PLEKHG2: variants seen among roughly 807,000 people sequenced by gnomAD.
The protein encoded by PLEKHG2 is pleckstrin homology domain-containing family G member 2.
PLEKHG2 carries 71 observed loss-of-function variants against 104.4 expected under a neutral mutation model. The ratio of observed to expected loss-of-function variants is 0.68; its 90% CI spans 0.56 to 0.83. The LOEUF is 0.83. Among genes scored for constraint, PLEKHG2 ranks in the 40% least tolerant of loss-of-function variants. The pLI, the probability that PLEKHG2 is intolerant of heterozygous loss-of-function variation, is 0.00. For missense variants in PLEKHG2, 1,730 were observed against 1,809.4 expected (o/e 0.96, Z 0.80); for synonymous variants, 728 against 737.0 (o/e 0.99, Z 0.20).
Position 39,424,843 on chromosome 19 carries a change from T to G in PLEKHG2, c.3710T>G (p.Leu1237Trp). Reference protein sequence around the residue: ...SPTPVQTTMVLSKPGGSLASH... With the variant: ...SPTPVQTTMVWSKPGGSLASH... The stretch of plus-strand genomic sequence containing the variant: ...ACCCCAGTTCAGACCACCATGGTTT[T>G]GTCCAAACCAGGAGGCTCCTTAGCC... The change falls in exon 19 of 19, where the codon TTG becomes TGG. Residue 1237 changes from leucine (L) to tryptophan (W), a missense_variant. By Grantham distance (61) the Leu-to-Trp change is moderately conservative. Transcript: ENST00000425673. The G allele has an allele frequency of 6.2e-7, 1 of 1,614,222 alleles. No homozygotes were observed. Among genetic ancestry groups the G allele is most frequent in the Non-Finnish European group, 8.5e-7 (1 of 1,180,038 alleles).
At chr19:39,421,521 A>G in intron 16 of PLEKHG2, 2 of 566,102 alleles carry the variant, frequency 3.5e-6, no homozygotes, top group South Asian at 4.0e-5. Flanking sequence ...CCCCATCTCT[A>G]CAAAAAGTAC....
In PLEKHG2 at chr19:39,415,302, A is replaced by AGCCCCTTGGCCC. The variant is rs1568389251; in HGVS notation, c.379-36_379-25dup. 4 of 1,608,828 alleles carry AGCCCCTTGGCCC rather than the reference A, an allele frequency of 2.5e-6. No individual in the cohort carries two copies. In the South Asian group the frequency reaches 4.4e-5, roughly 18 times the overall value. ...CCAGAGGGCAGTGGGTACCCAGGCC[A>AGCCCCTTGGCCC]GCCCCTTGGCCCCCATAACCCCAGT... On this transcript the variant is annotated intron_variant, in intron 3 of 18. Transcript: ENST00000425673. This position sits in a 1 kb window ranked among gnomAD's most constrained non-coding sequence, Gnocchi z 4.6.
At chr19:39,417,084 C>A in intron 7 of PLEKHG2, 84 bp downstream of exon 7, 1 of 1,447,258 alleles carries the variant, frequency 6.9e-7, no homozygotes, top group Non-Finnish European at 9.2e-7. Flanking sequence ...AGGATGGACC[C>A]CCCACGAGTT....
chr19:39,424,150 C>T lies in PLEKHG2; in HGVS notation c.3017C>T (p.Pro1006Leu). The T allele has an allele frequency of 6.2e-7, 1 of 1,614,192 alleles. No homozygotes were observed. The highest frequency in any genetic ancestry group is 8.5e-7 in the Non-Finnish European group (1 of 1,180,034). Residue 1006 changes from proline to leucine, a missense_variant, in exon 19 of 19, where the codon CCT becomes CTT. Pro to Leu is a moderately conservative substitution (Grantham distance 98). Transcript: ENST00000425673. ...VIPAPSTAFC[P>L]EQGHCADIHV... ...CCAGCTCCATCCACCGCCTTTTGTCCTGAGCAGGGACACTGTGCGGACATC... is the reference window on the plus strand; with the variant it reads ...CCAGCTCCATCCACCGCCTTTTGTCTTGAGCAGGGACACTGTGCGGACATC...
rs1462034555 is a variant in PLEKHG2 at position 39,415,699 on chromosome 19, C to T, written c.479+260C>T. ...AGGGGCATAGCGGATGGGAGGACCC[C>T]GAGTGAGGGAGGGGCATAGCGGATG... On this transcript the variant is annotated intron_variant, in intron 4 of 18. Coordinates refer to ENST00000425673, the MANE Select transcript of PLEKHG2 (RefSeq NM_022835.3). The surrounding 1 kb of genome is among the most constrained non-coding windows in gnomAD (Gnocchi z 4.6). Among the ~76,000 whole-genome samples the T allele has an allele frequency of 6.6e-6, 1 of 151,316 alleles. No individual in the cohort carries two copies. Among genetic ancestry groups the T allele is most frequent in the South Asian group, 2.1e-4 (1 of 4,758 alleles).
chr19:39,420,388 G>T (rs1002515539), intron 11 of PLEKHG2, among the ~76,000 whole-genome samples: 10 of 151,984 alleles, frequency 6.6e-5, no homozygotes, highest in Admixed American at 2.6e-4. Context: ...AGCTGGATGT[G>T]ATGGTGCACA....
In PLEKHG2 at chr19:39,424,729, A is replaced by G. The variant is rs367726644; in HGVS notation, c.3596A>G (p.Glu1199Gly). 1.2e-6 allele frequency: 2 copies of G among 1,614,012 alleles called. No homozygotes were observed. The highest frequency in any genetic ancestry group is 1.7e-6 in the Non-Finnish European group (2 of 1,180,020). ...TQVQKLTPSL[E>G]QKSLIDAHVP... ...GTCCAAAAACTCACACCTTCGTTGGAGCAGAAGAGCCTCATAGATGCCCAT... is the reference window on the plus strand; with the variant it reads ...GTCCAAAAACTCACACCTTCGTTGGGGCAGAAGAGCCTCATAGATGCCCAT... Residue 1199 changes from glutamate (E) to glycine (G), a missense_variant, in exon 19 of 19, where the codon GAG (glutamate) becomes GGG (glycine). Transcript: ENST00000425673.
chr19:39,421,358 G>A (rs1946196660), intron 16 of PLEKHG2, 59 bp downstream of exon 16: 22 of 1,569,596 alleles, frequency 1.4e-5, no homozygotes, highest in Non-Finnish European at 1.9e-5. Context: ...GATGGAGAAG[G>A]GAGCTTGAGT....
chr19:39,426,800 C>T lies in PLEKHG2; in HGVS notation c.*1506C>T, dbSNP rs1390084986. 6.6e-6 allele frequency: 1 copy of T among 152,046 alleles called. No homozygotes were observed. The highest frequency in any genetic ancestry group is 2.4e-5 in the African/African-American group (1 of 41,366). 9.4% of individuals were successfully genotyped at this position (152,046 alleles called of 1,614,324 possible). On this transcript the variant is annotated 3_prime_UTR_variant, in exon 19 of 19. Coordinates refer to ENST00000425673, the MANE Select transcript of PLEKHG2 (RefSeq NM_022835.3). ...CAGATCCCCCAGTATCTAGTCCCAACCTATTGAATCAGGATCCCCAGGGAA... is the reference window on the plus strand; with the variant it reads ...CAGATCCCCCAGTATCTAGTCCCAATCTATTGAATCAGGATCCCCAGGGAA...
chr19:39,418,162 C>CCTGTAT (rs1344763534), intron 9 of PLEKHG2, 57 bp downstream of exon 9: 1 of 1,360,468 alleles, frequency 7.4e-7, no homozygotes, highest in African/African-American at 1.5e-5. Flanking sequence ...ATCCCATATA[C>CCTGTAT]CTGTATCTGT....
chr19:39,412,841 C>T lies in PLEKHG2; in HGVS notation c.-594C>T, dbSNP rs1315683126. 1.3e-5 allele frequency: 2 copies of T among 152,246 alleles called. No homozygotes were observed. The highest frequency in any genetic ancestry group is 2.9e-5 in the Non-Finnish European group (2 of 68,086). 9.4% of individuals were successfully genotyped at this position (152,246 alleles called of 1,614,324 possible). A position where few individuals can be genotyped will look rare whatever the true frequency, so the allele number is the denominator to read the frequency against. On this transcript the variant is annotated 5_prime_UTR_variant, in exon 1 of 19. Transcript: ENST00000425673. ...CTTGAGCCATCCAGGTGCGCAGCGCCCCCTCCTGGAGCAGCCGGGAGCCCG... is the reference window on the plus strand; with the variant it reads ...CTTGAGCCATCCAGGTGCGCAGCGCTCCCTCCTGGAGCAGCCGGGAGCCCG...
chr19:39,417,070 C>T, intron 7 of PLEKHG2, 70 bp downstream of exon 7: 1 of 1,495,760 alleles, frequency 6.7e-7, no homozygotes, highest in Non-Finnish European at 8.9e-7. Context: ...GTTGGTTCAT[C>T]TGGAGGATGG....
rs1600642392 is a variant in PLEKHG2 at position 39,413,999 on chromosome 19, T to C, written c.-22-66T>C. 9.0e-7 allele frequency: 1 copy of C among 1,110,398 alleles called. No homozygotes were observed. Among genetic ancestry groups the C allele is most frequent in the Non-Finnish European group, 1.3e-6 (1 of 772,984 alleles). The allele number at this position is 1,110,398 out of a possible 1,614,324, so 68.8% of individuals were successfully genotyped here. ...CCACGCTCCTAATTCCCAGCCCCCA[T>C]CTGTGAGTCTGGGCGGCGGAGAGGC... On this transcript the variant is annotated intron_variant, in intron 1 of 18. Transcript: ENST00000425673. This position sits in a 1 kb window ranked among gnomAD's most constrained non-coding sequence, Gnocchi z 4.5.
At position 39,424,093 on chromosome 19, in the gene PLEKHG2, C is replaced by T. The variant is rs751269062; in HGVS notation, c.2960C>T (p.Pro987Leu). The T allele has an allele frequency of 1.2e-6, 2 of 1,614,090 alleles. No homozygotes were observed. Among genetic ancestry groups the T allele is most frequent in the Non-Finnish European group, 1.7e-6 (2 of 1,179,984 alleles). ...GAAATCCAAGTTCCAGCCACCACTC[C>T]TTTGCCTGAGCATAGAAGTCACATG... ...HPEIQVPATT[P>L]LPEHRSHMVI... Residue 987 changes from proline (P) to leucine (L), a missense_variant, in exon 19 of 19, where the codon CCT becomes CTT. Physicochemically the swap from Pro to Leu is moderately conservative, Grantham distance 98. Transcript: ENST00000425673.
Position 39,416,028 on chromosome 19 carries a change from C to G in PLEKHG2, c.480-320C>G, listed in dbSNP as rs1047235477. Reference sequence around the variant, plus strand: ...ATCATGACATTTCCAAGTACCTTGACGAGGTCTCGGGATTACAGCAGGAAC... The same window carrying G: ...ATCATGACATTTCCAAGTACCTTGAGGAGGTCTCGGGATTACAGCAGGAAC... On this transcript the variant is annotated intron_variant, in intron 4 of 18. Coordinates refer to ENST00000425673, the MANE Select transcript of PLEKHG2 (RefSeq NM_022835.3). The surrounding 1 kb of genome is among the most constrained non-coding windows in gnomAD (Gnocchi z 4.5). 6.6e-6 allele frequency among the ~76,000 whole-genome samples: 1 copy of G among 152,082 alleles called. No homozygotes were observed. The highest frequency in any genetic ancestry group is 6.5e-5 in the Admixed American group (1 of 15,280).
rs1390035734 is a variant in PLEKHG2, at chr19:39,427,352, T to A, written c.*2058T>A. The A allele has an allele frequency of 7.4e-6, 1 of 135,892 alleles. No homozygotes were observed. The highest frequency in any genetic ancestry group is 2.9e-5 in the African/African-American group (1 of 34,594). 8.4% of individuals were successfully genotyped at this position (135,892 alleles called of 1,614,324 possible). On this transcript the variant is annotated 3_prime_UTR_variant, in exon 19 of 19. Coordinates refer to ENST00000425673, the MANE Select transcript of PLEKHG2 (RefSeq NM_022835.3). ...GGGAATCCGAATTTTTTTTTTTTTT[T>A]AGACGGAGTTTCGCTCTTGTTGCCC...
rs745527073 is a variant in PLEKHG2, at chr19:39,417,917, C to T, written c.895C>T (p.Arg299Trp). The T allele has an allele frequency of 1.6e-5, 24 of 1,541,056 alleles. No homozygotes were observed. The highest frequency in any genetic ancestry group is 4.9e-5 in the East Asian group (2 of 40,874). ...GGGGTCCCGGCAGGAAGTGCAGCGG[C>T]GGCTGGGTGGCTGGACCGGACCAGA... ...HAARLQEVQR[R>W]LGGWTGPELS... The change falls in exon 9 of 19, where the codon CGG becomes TGG. Residue 299 changes from arginine to tryptophan, a missense_variant. Arg to Trp is a moderately radical substitution (Grantham distance 101). Transcript: ENST00000425673.
At chr19:39,414,640 T>C (rs941776591) in intron 2 of PLEKHG2, among the ~76,000 whole-genome samples, 2 of 152,196 alleles carry the variant, frequency 1.3e-5, no homozygotes, top group African/African-American at 4.8e-5. Context: ...TAGAGGGATC[T>C]GTGTTGGCCA....
chr19:39,420,987 A>C lies in PLEKHG2; in HGVS notation c.1438A>C (p.Arg480=). The C allele has an allele frequency of 6.2e-7, 1 of 1,613,996 alleles. No individual in the cohort carries two copies. ...GCCCTCTGTGATTCGCCGAGGCCGCAGGCAGTCTGGTGAGCACTCACCCCT... is the reference window on the plus strand; with the variant it reads ...GCCCTCTGTGATTCGCCGAGGCCGCCGGCAGTCTGGTGAGCACTCACCCCT... ...PGPSVIRRGR[R]QSEPVKDPYV... The change falls in exon 14 of 19, where the codon AGG becomes CGG. Residue 480 remains arginine (R), a synonymous_variant. Coordinates refer to ENST00000425673, the MANE Select transcript of PLEKHG2 (RefSeq NM_022835.3).
Sources: allele counts gnomAD v4.1 joint callset (sites outside exome capture counted in the v4.1 genomes callset), GRCh38; gene constraint gnomAD v4.1.1; non-coding constraint Gnocchi (gnomAD v3.1); transcripts MANE v1.5; gene names NCBI Gene and HGNC (gene_info 2026-07-23, HGNC 2026-07-21).